The following PRKG1 variants were observed in gnomAD, a reference collection of about 807,000 sequenced individuals.
PRKG1 encodes protein kinase cGMP-dependent 1.
Under a neutral mutation model 88.1 loss-of-function variants are expected in PRKG1, and 35 were observed. The observed-to-expected ratio is 0.40, with a 90% confidence interval of 0.30 to 0.53. The LOEUF is 0.53. PRKG1 is among the 20% of genes least tolerant of loss of function. The pLI is 0.59. For missense variants in PRKG1, 540 were observed against 839.8 expected (o/e 0.64, Z 4.41); for synonymous variants, 303 against 292.5 (o/e 1.04, Z -0.37).
intron 7 of PRKG1, among the ~76,000 whole-genome samples, chr10:52,109,719 C>T (rs907234553): frequency 1.7e-4 from 26 of 152,016 alleles, no homozygotes; most frequent in African/African-American, 3.1e-4. Flanking sequence ...GACGACATCA[C>T]GCCACTGCAC....
chr10:51,416,806 T>G (rs1838252733), intron 2 of PRKG1, among the ~76,000 whole-genome samples: 2 of 152,134 alleles, frequency 1.3e-5, no homozygotes, highest in South Asian at 4.1e-4. Flanking sequence ...TTGAAGAAGG[T>G]CAGAACTCCT....
chr10:52,264,402 CT>C (rs113569769), intron 10 of PRKG1, among the ~76,000 whole-genome samples: 5,867 of 151,426 alleles, frequency 0.039, 491 homozygotes, highest in East Asian at 0.34. Flanking sequence ...TCCCCTCCAG[CT>C]TTTTTTTTCT....
chr10:51,869,680 T>C (rs1023296529), intron 4 of PRKG1, among the ~76,000 whole-genome samples: 2 of 152,192 alleles, frequency 1.3e-5, no homozygotes, highest in Admixed American at 1.3e-4. Context: ...ACTTATATAG[T>C]CTGACTTACG....
chr10:51,765,980 C>CT (rs373464696), intron 3 of PRKG1, among the ~76,000 whole-genome samples: 9 of 152,216 alleles, frequency 5.9e-5, no homozygotes, highest in African/African-American at 2.2e-4. Context: ...AATGAGTACA[C>CT]TCTTCCTGGC....
intron 1 of PRKG1, among the ~76,000 whole-genome samples, chr10:51,140,527 T>G (rs143493681): frequency 6.3e-4 from 96 of 152,344 alleles, no homozygotes; most frequent in Admixed American, 1.0e-3. Context: ...GCATAACCAT[T>G]ATTTTAACTA....
chr10:51,219,172 T>C (rs1488367927), intron 2 of PRKG1, among the ~76,000 whole-genome samples: 1 of 152,222 alleles, frequency 6.6e-6, no homozygotes, highest in Non-Finnish European at 1.5e-5. Context: ...TTTCAAAAAT[T>C]AGTGGTGAAC....
intron 1 of PRKG1, among the ~76,000 whole-genome samples, chr10:50,992,463 G>A (rs566275602): frequency 1.3e-5 from 2 of 152,168 alleles, no homozygotes; most frequent in African/African-American, 4.8e-5. Context: ...CGTCAGCCCT[G>A]TCCCAAGGTG....
chr10:52,233,196 AAG>A (rs112309140), intron 9 of PRKG1, among the ~76,000 whole-genome samples: 2 of 150,332 alleles, frequency 1.3e-5, no homozygotes, highest in Non-Finnish European at 1.5e-5. Flanking sequence ...AAAAAAAAAA[AAG>A]AGAGAGAGAG....
intron 2 of PRKG1, among the ~76,000 whole-genome samples, chr10:51,382,274 G>A (rs1837126788): frequency 6.6e-6 from 1 of 152,066 alleles, no homozygotes; most frequent in Non-Finnish European, 1.5e-5. Flanking sequence ...TTTAGATAAG[G>A]TGATATGAGA....
chr10:51,172,140 A>AT (rs1341989899), intron 2 of PRKG1, among the ~76,000 whole-genome samples: 1 of 152,064 alleles, frequency 6.6e-6, no homozygotes, highest in African/African-American at 2.4e-5. Flanking sequence ...CAGAAATTAT[A>AT]TTCAGTGATG....
intron 2 of PRKG1, among the ~76,000 whole-genome samples, chr10:51,370,193 C>T (rs997928214): frequency 6.6e-6 from 1 of 152,126 alleles, no homozygotes; most frequent in East Asian, 1.9e-4. Context: ...TGCTTGAATG[C>T]TCTTTCCGGA....
chr10:52,093,433 T>C (rs1203035385), intron 7 of PRKG1, among the ~76,000 whole-genome samples: 1 of 152,172 alleles, frequency 6.6e-6, no homozygotes, highest in Non-Finnish European at 1.5e-5. Flanking sequence ...GGCATTAATA[T>C]TTTATGCAAA....
At chr10:51,981,459 A>G (rs1371434701) in intron 5 of PRKG1, among the ~76,000 whole-genome samples, 1 of 151,980 alleles carries the variant, frequency 6.6e-6, no homozygotes, top group East Asian at 1.9e-4. Context: ...AGTGGCATGT[A>G]CCTGTAATCT....
At chr10:52,266,779 A>AAAAAC in intron 10 of PRKG1, among the ~76,000 whole-genome samples, 1 of 152,054 alleles carries the variant, frequency 6.6e-6, no homozygotes, top group Non-Finnish European at 1.5e-5. Context: ...GAACAAGCAA[A>AAAAAC]AAAACAAAAA....
Position 51,542,069 on chromosome 10 carries a change from G to A in PRKG1, c.592+74233G>A, listed in dbSNP as rs193284720. On this transcript the variant is annotated intron_variant, in intron 3 of 17. Transcript: ENST00000373980. ...AACTACAGGATGGGATTAGATGACA[G>A]ATGAGATTAAATTTTCTTTAGAAAC... Among the ~76,000 whole-genome samples, 13 of 152,148 alleles carry A rather than the reference G, an allele frequency of 8.5e-5. No homozygotes were observed. In the East Asian group the frequency reaches 2.3e-3, roughly 27 times the overall value.
intron 1 of PRKG1, among the ~76,000 whole-genome samples, chr10:51,075,637 T>G (rs1216868884): frequency 1.3e-5 from 2 of 152,242 alleles, no homozygotes; most frequent in Non-Finnish European, 2.9e-5. Flanking sequence ...GGTGGTTGCT[T>G]GTTTCCAGGG....
intron 5 of PRKG1, among the ~76,000 whole-genome samples, chr10:52,029,492 C>G (rs1564437205): frequency 6.6e-6 from 1 of 152,172 alleles, no homozygotes; most frequent in Non-Finnish European, 1.5e-5. Context: ...GTAGAGATGT[C>G]CCTTTAAGAG....
chr10:51,380,192 C>T (rs1837040914), intron 2 of PRKG1, among the ~76,000 whole-genome samples: 2 of 152,158 alleles, frequency 1.3e-5, no homozygotes, highest in African/African-American at 4.8e-5. Context: ...ACATATTTTA[C>T]TTATTTATTG....
chr10:51,360,009 C>T (rs1267300386), intron 2 of PRKG1, among the ~76,000 whole-genome samples: 1 of 151,874 alleles, frequency 6.6e-6, no homozygotes, highest in Non-Finnish European at 1.5e-5. Context: ...TCAGGGGTTT[C>T]TGGGGTATCC....
Sources: gnomAD v4.1 joint callset for allele counts (sites outside exome capture counted in the v4.1 genomes callset) on GRCh38, gnomAD v4.1.1 for gene constraint, MANE v1.5 for transcripts, NCBI Gene and HGNC (gene_info 2026-07-23, HGNC 2026-07-21) for gene names.